Variants in NBEA observed in about 807,000 individuals in gnomAD.
NBEA encodes lysosomal-trafficking regulator 2.
In NBEA, 44 loss-of-function variants were observed where a neutral mutation model predicts 343.4. The observed-to-expected ratio is 0.13, with a 90% CI of 0.10 to 0.16. The LOEUF is 0.16. NBEA is among the 10% of genes least tolerant of loss of function. The pLI is 1.00. For synonymous variants in NBEA, 1,175 were observed against 1,238.7 expected (o/e 0.95, Z 1.08); for missense variants, 2,555 against 3,631.3 (o/e 0.70, Z 7.62).
intron 47 of NBEA, among the ~76,000 whole-genome samples, chr13:35,602,403 C>T (rs919463323): frequency 2.0e-5 from 3 of 152,214 alleles, no homozygotes; most frequent in Admixed American, 6.5e-5. Flanking sequence ...TGTGATTTCA[C>T]TTCCTCTACT....
intron 48 of NBEA, among the ~76,000 whole-genome samples, chr13:35,610,504 G>A (rs1018784196): frequency 1.3e-5 from 2 of 152,020 alleles, no homozygotes; most frequent in African/African-American, 4.8e-5. Context: ...CCAAAAAAAA[G>A]GAAGGGGAAG....
intron 10 of NBEA, among the ~76,000 whole-genome samples, chr13:35,092,908 G>A (rs992836554): frequency 6.6e-6 from 1 of 152,018 alleles, no homozygotes; most frequent in South Asian, 2.1e-4. Flanking sequence ...AATGTTTATA[G>A]TAGCCTTATT....
intron 1 of NBEA, among the ~76,000 whole-genome samples, chr13:34,965,415 A>G (rs993968569): frequency 1.3e-5 from 2 of 152,020 alleles, no homozygotes; most frequent in Admixed American, 6.6e-5. Flanking sequence ...GAAGAAAGCA[A>G]TGAACTATTT....
intron 17 of NBEA, among the ~76,000 whole-genome samples, chr13:35,129,413 A>G (rs928598334): frequency 3.9e-5 from 6 of 152,174 alleles, no homozygotes; most frequent in African/African-American, 1.4e-4. Context: ...CTTTAAAAAC[A>G]AGGTAATTTA....
chr13:35,322,565 C>T (rs184534356), intron 36 of NBEA, among the ~76,000 whole-genome samples: 136 of 152,288 alleles, frequency 8.9e-4, no homozygotes, highest in Middle Eastern at 3.4e-3. Context: ...TGTTCTTATT[C>T]GGCAAGATGG....
chr13:35,264,355 C>A (rs1566538596), intron 34 of NBEA, among the ~76,000 whole-genome samples: 1 of 151,704 alleles, frequency 6.6e-6, no homozygotes, highest in African/African-American at 2.4e-5. Flanking sequence ...CATCTCAAAC[C>A]CTTTTAAAAA....
intron 29 of NBEA, among the ~76,000 whole-genome samples, chr13:35,183,056 C>T (rs2071424542): frequency 6.6e-6 from 1 of 151,920 alleles, no homozygotes; most frequent in South Asian, 2.1e-4. Context: ...AAATCAAAGA[C>T]TTGTGGAAAG....
At chr13:35,279,440 C>T (rs2034892971) in intron 34 of NBEA, among the ~76,000 whole-genome samples, 1 of 152,084 alleles carries the variant, frequency 6.6e-6, no homozygotes, top group Non-Finnish European at 1.5e-5. Context: ...AAATTAGATT[C>T]AGACTAAAAT....
At chr13:35,392,934 A>C (rs750761869) in intron 38 of NBEA, among the ~76,000 whole-genome samples, 29 of 152,210 alleles carry the variant, frequency 1.9e-4, no homozygotes, top group Non-Finnish European at 3.7e-4. Flanking sequence ...ATGACCTCCC[A>C]GGTCACAGTT....
Position 35,526,361 on chromosome 13 carries a change from C to G in NBEA, c.6586-24116C>G, listed in dbSNP as rs572055168. Among the ~76,000 whole-genome samples the G allele has an allele frequency of 1.3e-4, 20 of 152,216 alleles. No homozygotes were observed. The South Asian group carries it at 3.9e-3, about 30-fold the overall frequency. ...TACAAAATAAAACATTAAAAAAATACAAGTTTTTGGCCAGTGGCCCATGAT... is the reference window on the plus strand; with the variant it reads ...TACAAAATAAAACATTAAAAAAATAGAAGTTTTTGGCCAGTGGCCCATGAT... On this transcript the variant is annotated intron_variant, in intron 41 of 58. Transcript: ENST00000379939.
chr13:35,394,961 T>C (rs1376400042), intron 38 of NBEA, among the ~76,000 whole-genome samples: 3 of 152,164 alleles, frequency 2.0e-5, no homozygotes, highest in African/African-American at 7.2e-5. Flanking sequence ...TTACTTCCTT[T>C]GTTGAGTTTC....
intron 48 of NBEA, among the ~76,000 whole-genome samples, chr13:35,614,700 C>T (rs1366141698): frequency 6.6e-6 from 1 of 152,198 alleles, no homozygotes; most frequent in Non-Finnish European, 1.5e-5. Context: ...TAACTACAGG[C>T]AGCACCAGGT....
chr13:35,070,663 A>T, intron 9 of NBEA, 56 bp from the exon 10 acceptor site: 1 of 1,431,064 alleles, frequency 7.0e-7, no homozygotes, highest in South Asian at 1.4e-5. Context: ...GAACAAGGAA[A>T]TAGTGATGAA....
At chr13:35,333,073 A>T (rs763428687) in intron 36 of NBEA, among the ~76,000 whole-genome samples, 1 of 152,070 alleles carries the variant, frequency 6.6e-6, no homozygotes, top group Non-Finnish European at 1.5e-5. Context: ...TTTCTAGTGG[A>T]CTCTTCTTGT....
intron 1 of NBEA, among the ~76,000 whole-genome samples, chr13:34,952,607 A>T (rs1301927963): frequency 2.6e-5 from 4 of 152,160 alleles, no homozygotes; most frequent in Admixed American, 6.6e-5. Flanking sequence ...GCTTGAATAA[A>T]ACAAATGAGT....
intron 34 of NBEA, among the ~76,000 whole-genome samples, chr13:35,271,130 C>A (rs1400573007): frequency 6.6e-6 from 1 of 152,110 alleles, no homozygotes; most frequent in African/African-American, 2.4e-5. Flanking sequence ...GGTGGATGCC[C>A]CTCTGGGACG....
rs2071492572 is a variant in NBEA at position 35,183,900 on chromosome 13, G to T, written c.4832-76G>T. ...TTGCATGTTGCAGTAATACAGAATT[G>T]TCATGGATCTTCAGTGGACCATGTG... On this transcript the variant is annotated intron_variant, in intron 29 of 58. Transcript: ENST00000379939. 15 of 1,003,832 alleles carry T rather than the reference G, an allele frequency of 1.5e-5. No individual in the cohort carries two copies. The East Asian group carries it at 3.0e-4, about 20-fold the overall frequency. The allele number at this position is 1,003,832 out of a possible 1,614,324, so 62.2% of individuals were successfully genotyped here.
chr13:35,309,583 A>G lies in NBEA; in HGVS notation c.5894A>G (p.Asn1965Ser). The change falls in exon 36 of 59, where the codon AAT (asparagine) becomes AGT (serine). Residue 1965 changes from asparagine (N) to serine (S), a missense_variant. By Grantham distance (46) the Asn-to-Ser change is conservative. Around this residue, in one of 21 missense-constraint regions of NBEA, gnomAD observed 84 missense variants for 196.4 expected, o/e 0.43. Coordinates refer to ENST00000379939, the MANE Select transcript of NBEA (RefSeq NM_001385012.1). ...GGACTTGCATTTATTGAGCTCATCA[A>G]TGAAGGAAGGTAATTAATTTTACAA... ...NAGLAFIELI[N>S]EGRLLCHAMK... 1 of 1,581,048 alleles carries G rather than the reference A, an allele frequency of 6.3e-7. No individual in the cohort carries two copies. Among genetic ancestry groups the G allele is most frequent in the Non-Finnish European group, 8.6e-7 (1 of 1,162,678 alleles).
At chr13:34,965,805 T>C (rs566214955) in intron 1 of NBEA, among the ~76,000 whole-genome samples, 2 of 152,128 alleles carry the variant, frequency 1.3e-5, no homozygotes, top group South Asian at 4.1e-4. Context: ...TGTATATTTA[T>C]TTATAAACAC....
Sources: gnomAD v4.1 joint callset for allele counts (sites outside exome capture counted in the v4.1 genomes callset) on GRCh38, gnomAD v4.1.1 for gene constraint, gnomAD v4.1.1 regional missense constraint, MANE v1.5 for transcripts, NCBI Gene and HGNC (gene_info 2026-07-23, HGNC 2026-07-21) for gene names.